Variants in GALNTL6 observed in about 807,000 individuals in gnomAD.
GALNTL6 encodes the protein polypeptide N-acetylgalactosaminyltransferase-like 6.
A neutral mutation model predicts 73.7 loss-of-function variants in GALNTL6; 46 were observed. The observed-to-expected ratio is 0.62, with a 90% CI of 0.49 to 0.80. The LOEUF is 0.80. Among genes scored for constraint, GALNTL6 ranks in the 30% least tolerant of loss-of-function variants. GALNTL6 has a pLI of 0.00. For missense variants in GALNTL6, 604 were observed against 755.0 expected, an observed-to-expected ratio of 0.80 and a Z score of 2.34; for synonymous variants, 259 against 263.7, an observed-to-expected ratio of 0.98 and a Z score of 0.17.
At chr4:172,519,253 A>T (rs1734701833) in intron 5 of GALNTL6, among the ~76,000 whole-genome samples, 1 of 150,698 alleles carries the variant, frequency 6.6e-6, no homozygotes, top group South Asian at 2.1e-4. Context: ...AGATATTTAT[A>T]TATGATATAT....
chr4:173,013,545 C>CG (rs1179164628), intron 11 of GALNTL6, among the ~76,000 whole-genome samples: 1 of 151,824 alleles, frequency 6.6e-6, no homozygotes, highest in Non-Finnish European at 1.5e-5. Context: ...GTTCACTCCC[C>CG]GCACCCCCCA....
chr4:172,803,360 C>A (rs1740768599), intron 5 of GALNTL6, among the ~76,000 whole-genome samples: 1 of 152,152 alleles, frequency 6.6e-6, no homozygotes, highest in South Asian at 2.1e-4. Context: ...GTGAACTACA[C>A]ATGTGAGGGA....
At chr4:172,155,970 A>G (rs6828848) in intron 2 of GALNTL6, among the ~76,000 whole-genome samples, 69,349 of 151,652 alleles carry the variant, frequency 0.46, 16,758 homozygotes, top group African/African-American at 0.61. Flanking sequence ...ACTTCAAAAG[A>G]TAATTTTTAC....
At chr4:171,977,596 T>C (rs1191475357) in intron 2 of GALNTL6, among the ~76,000 whole-genome samples, 2 of 152,146 alleles carry the variant, frequency 1.3e-5, no homozygotes, top group African/African-American at 2.4e-5. Context: ...GACCCACTCA[T>C]TTTAACTTTA....
chr4:172,588,529 T>A (rs1328128362), intron 5 of GALNTL6, among the ~76,000 whole-genome samples: 1 of 146,006 alleles, frequency 6.8e-6, no homozygotes, highest in African/African-American at 2.5e-5. Flanking sequence ...GGGGACCCTG[T>A]CTCAAAAAAA....
At chr4:172,997,383 A>C (rs1751843405) in intron 10 of GALNTL6, among the ~76,000 whole-genome samples, 1 of 152,198 alleles carries the variant, frequency 6.6e-6, no homozygotes, top group African/African-American at 2.4e-5. Context: ...CTCAGTTGCA[A>C]ACGTGAATGA....
Position 172,114,812 on chromosome 4 carries a change from C to A in GALNTL6, c.139-114844C>A, listed in dbSNP as rs190800216. ...TATAAAACTGAGGTGTTACATGAGA[C>A]CTGCCTGCTAGAGATAGAGATAAAC... On this transcript the variant is annotated intron_variant, in intron 2 of 12. Coordinates refer to ENST00000506823, the MANE Select transcript of GALNTL6 (RefSeq NM_001034845.3). 1.5e-3 allele frequency among the ~76,000 whole-genome samples: 227 copies of A among 152,086 alleles called. 2 individuals are homozygous for A. Among genetic ancestry groups the A allele is most frequent in the African/African-American group, 5.0e-3 (209 of 41,514 alleles).
intron 2 of GALNTL6, among the ~76,000 whole-genome samples, chr4:172,156,568 C>CTATATATAT (rs1560945829): frequency 8.6e-6 from 1 of 115,802 alleles, no homozygotes; most frequent in African/African-American, 3.7e-5. Flanking sequence ...TATATATATA[C>CTATATATAT]ATACTATATA....
At chr4:172,113,166 A>AT (rs920345454) in intron 2 of GALNTL6, among the ~76,000 whole-genome samples, 13 of 151,890 alleles carry the variant, frequency 8.6e-5, no homozygotes, top group African/African-American at 3.1e-4. Flanking sequence ...TGCATTCAAC[A>AT]TTTTTTATGA....
intron 5 of GALNTL6, among the ~76,000 whole-genome samples, chr4:172,472,846 C>T (rs976471982): frequency 1.3e-4 from 20 of 152,038 alleles, no homozygotes; most frequent in Non-Finnish European, 2.5e-4. Context: ...ACTCCTGGCC[C>T]GTAGAACTGT....
chr4:172,020,356 T>C (rs1005214638), intron 2 of GALNTL6, among the ~76,000 whole-genome samples: 7 of 141,848 alleles, frequency 4.9e-5, no homozygotes, highest in African/African-American at 1.6e-4. Context: ...ATACAAAAGA[T>C]CAAAGAAACA....
At chr4:172,924,282 T>C (rs564948351) in intron 8 of GALNTL6, among the ~76,000 whole-genome samples, 1 of 152,272 alleles carries the variant, frequency 6.6e-6, no homozygotes, top group South Asian at 2.1e-4. Flanking sequence ...GTGTTTGAAC[T>C]GGCCAAAACC....
chr4:172,192,113 G>A (rs914603797), intron 2 of GALNTL6, among the ~76,000 whole-genome samples: 2 of 151,912 alleles, frequency 1.3e-5, no homozygotes, highest in Non-Finnish European at 2.9e-5. Context: ...TTTGAAAGTG[G>A]TGTAATAATA....
At chr4:172,025,472 G>A (rs758495944) in intron 2 of GALNTL6, among the ~76,000 whole-genome samples, 3 of 151,844 alleles carry the variant, frequency 2.0e-5, no homozygotes, top group Non-Finnish European at 4.4e-5. Context: ...CCTAGAGCTG[G>A]TGTTGGCTTT....
intron 5 of GALNTL6, among the ~76,000 whole-genome samples, chr4:172,512,632 G>A (rs1343115275): frequency 6.6e-6 from 1 of 152,060 alleles, no homozygotes; most frequent in African/African-American, 2.4e-5. Flanking sequence ...TGTAGTGCTG[G>A]CTTGGTAGTG....
In GALNTL6 at chr4:172,497,194, A is replaced by C. The variant is rs75754349; in HGVS notation, c.553+148505A>C. ...GAAACTTACAGAATCTGAAGTCTGA[A>C]ATGCAGCAGTCAATGAATAAGTATT... On this transcript the variant is annotated intron_variant, in intron 5 of 12. Transcript: ENST00000506823. Among the ~76,000 whole-genome samples, 992 of 152,350 alleles carry C rather than the reference A, an allele frequency of 6.5e-3. 9 individuals carry two copies. Among genetic ancestry groups the C allele is most frequent in the African/African-American group, 0.022 (919 of 41,580 alleles).
chr4:172,024,167 C>T (rs1182903715), intron 2 of GALNTL6, among the ~76,000 whole-genome samples: 1 of 151,804 alleles, frequency 6.6e-6, no homozygotes, highest in Non-Finnish European at 1.5e-5. Context: ...TTCTCTTCTT[C>T]CTCTATGCTT....
At chr4:172,367,191 C>T (rs1367986374) in intron 5 of GALNTL6, among the ~76,000 whole-genome samples, 1 of 152,102 alleles carries the variant, frequency 6.6e-6, no homozygotes, top group Non-Finnish European at 1.5e-5. Context: ...ACATAGGCAT[C>T]ACGCGTTTTG....
chr4:172,167,884 G>A (rs954232432), intron 2 of GALNTL6, among the ~76,000 whole-genome samples: 8 of 149,872 alleles, frequency 5.3e-5, no homozygotes, highest in East Asian at 3.9e-4. Context: ...GCGTGAACCC[G>A]GGAAGCGGAG....
Sources: allele counts gnomAD v4.1 joint callset (sites outside exome capture counted in the v4.1 genomes callset), GRCh38; gene constraint gnomAD v4.1.1; transcripts MANE v1.5; gene names NCBI Gene and HGNC (gene_info 2026-07-23, HGNC 2026-07-21).